KIAA1217: variants seen among roughly 807,000 people sequenced by gnomAD.
The protein encoded by KIAA1217 is KIAA1217.
In KIAA1217, 88 loss-of-function variants were observed where a neutral mutation model predicts 163.9. That is an observed-to-expected ratio of 0.54 (90% CI 0.45 to 0.64). The LOEUF is 0.64. Among genes scored for constraint, KIAA1217 ranks in the 30% least tolerant of loss-of-function variants. KIAA1217 has a pLI of 0.00. For synonymous variants in KIAA1217, 903 were observed against 923.1 expected (o/e 0.98, Z 0.39); for missense variants, 2,372 against 2,475.0 (o/e 0.96, Z 0.88).
intron 2 of KIAA1217, among the ~76,000 whole-genome samples, chr10:24,373,883 C>T (rs2052066400): frequency 6.6e-6 from 1 of 152,198 alleles, no homozygotes; most frequent in Admixed American, 6.5e-5. Context: ...ATGGGTATCA[C>T]TGCCCTTTCA....
intron 1 of KIAA1217, among the ~76,000 whole-genome samples, chr10:23,716,742 T>C (rs1415541173): frequency 1.3e-5 from 2 of 152,202 alleles, no homozygotes; most frequent in African/African-American, 2.4e-5. Flanking sequence ...TATTCAAATA[T>C]ATTTATATGC....
At chr10:24,129,083 A>T (rs1055414723) in intron 2 of KIAA1217, among the ~76,000 whole-genome samples, 4 of 152,186 alleles carry the variant, frequency 2.6e-5, no homozygotes, top group African/African-American at 9.7e-5. Context: ...TAAATGCTGG[A>T]AGTGGGCCAT....
chr10:24,389,545 T>A (rs1383823021), intron 3 of KIAA1217, among the ~76,000 whole-genome samples: 11 of 142,210 alleles, frequency 7.7e-5, no homozygotes, highest in Admixed American at 6.2e-4. Context: ...GAACTTAAAG[T>A]ATAATAAAAA....
At chr10:24,333,355 G>A (rs1021739438) in intron 2 of KIAA1217, among the ~76,000 whole-genome samples, 3 of 152,164 alleles carry the variant, frequency 2.0e-5, no homozygotes, top group African/African-American at 7.2e-5. Context: ...TTATGATGAT[G>A]AATGGTTGCC....
intron 1 of KIAA1217, among the ~76,000 whole-genome samples, chr10:23,994,096 G>T (rs1271923196): frequency 6.6e-6 from 1 of 152,198 alleles, no homozygotes; most frequent in Non-Finnish European, 1.5e-5. Context: ...GAGGGAAAGA[G>T]GAGAATGTGA....
At chr10:24,352,284 C>T (rs1271862061) in intron 2 of KIAA1217, among the ~76,000 whole-genome samples, 1 of 152,190 alleles carries the variant, frequency 6.6e-6, no homozygotes, top group Non-Finnish European at 1.5e-5. Context: ...CTGAGTAATC[C>T]TTTAAAGAGT....
intron 2 of KIAA1217, among the ~76,000 whole-genome samples, chr10:24,021,925 T>C (rs1157166779): frequency 6.6e-6 from 1 of 151,758 alleles, no homozygotes; most frequent in Non-Finnish European, 1.5e-5. Context: ...TCTGACACCT[T>C]TCACAAAATT....
At chr10:24,542,407 G>C (rs1160091718) in intron 17 of KIAA1217, 1 of 697,426 alleles carries the variant, frequency 1.4e-6, no homozygotes, top group South Asian at 2.7e-5. Context: ...GGACATGTTA[G>C]TAATGACTCT....
intron 1 of KIAA1217, among the ~76,000 whole-genome samples, chr10:23,978,253 T>G (rs969459093): frequency 6.6e-6 from 1 of 152,212 alleles, no homozygotes; most frequent in Non-Finnish European, 1.5e-5. Flanking sequence ...TCTGTCTTTA[T>G]GCTGGAAGAG....
intron 1 of KIAA1217, among the ~76,000 whole-genome samples, chr10:23,843,692 T>A (rs888648285): frequency 1.3e-5 from 2 of 152,162 alleles, no homozygotes; most frequent in African/African-American, 4.8e-5. Flanking sequence ...AAGATCTTTG[T>A]TGACTATGTT....
chr10:24,343,070 G>A (rs2133864467), intron 2 of KIAA1217, among the ~76,000 whole-genome samples: 1 of 152,242 alleles, frequency 6.6e-6, no homozygotes, highest in Middle Eastern at 3.4e-3. Flanking sequence ...TTCTCTAACT[G>A]CAACTCCTGC....
At chr10:23,773,464 A>G (rs111487244) in intron 1 of KIAA1217, among the ~76,000 whole-genome samples, 1,597 of 151,630 alleles carry the variant, frequency 0.011, 13 homozygotes, top group Non-Finnish European at 0.018. Context: ...TTGGTTCCAT[A>G]TGAACTTTAA....
intron 1 of KIAA1217, among the ~76,000 whole-genome samples, chr10:23,959,597 A>G (rs1844730390): frequency 6.6e-6 from 1 of 152,232 alleles, no homozygotes; most frequent in African/African-American, 2.4e-5. Context: ...TAAATTTTAC[A>G]TGACATAGGA....
At chr10:23,909,678 T>C (rs962195147) in intron 1 of KIAA1217, among the ~76,000 whole-genome samples, 1 of 152,182 alleles carries the variant, frequency 6.6e-6, no homozygotes, top group Non-Finnish European at 1.5e-5. Context: ...CACATTTTCT[T>C]TATCCAGTCT....
At chr10:24,429,659 C>T (rs570508142) in intron 3 of KIAA1217, among the ~76,000 whole-genome samples, 82 of 152,240 alleles carry the variant, frequency 5.4e-4, no homozygotes, top group Non-Finnish European at 1.0e-3. Context: ...TTGTTCTCTT[C>T]CGAGTTTCTT....
chr10:24,112,154 C>G (rs1378743516), intron 2 of KIAA1217, among the ~76,000 whole-genome samples: 1 of 152,146 alleles, frequency 6.6e-6, no homozygotes, highest in Non-Finnish European at 1.5e-5. Context: ...TTAAGATTTT[C>G]TGCCAACAAA....
intron 1 of KIAA1217, among the ~76,000 whole-genome samples, chr10:23,912,931 G>A (rs1339530837): frequency 6.6e-6 from 1 of 152,160 alleles, no homozygotes; most frequent in Non-Finnish European, 1.5e-5. Context: ...TAAAAGCAGT[G>A]CCACAGTCTA....
chr10:24,501,522 C>T lies in KIAA1217; in HGVS notation c.1978C>T (p.Leu660Phe), dbSNP rs1281656521. Residue 660 changes from leucine (L) to phenylalanine (F), a missense_variant, in exon 9 of 21, where the codon CTC (leucine) becomes TTC (phenylalanine). Around this residue, in one of 3 missense-constraint regions of KIAA1217, gnomAD observed 1,431 missense variants for 1,470.3 expected, o/e 0.97. Transcript: ENST00000376454. ...GAGCGTGGCGGAACTCAGGCTCCAG[C>T]TCCAGCAGATGCGGCAGCTCCAGGT... ...RRSVAELRLQ[L>F]QQMRQLQLQN... 6.2e-7 allele frequency: 1 copy of T among 1,613,430 alleles called. No homozygotes were observed. Among genetic ancestry groups the T allele is most frequent in the Non-Finnish European group, 8.5e-7 (1 of 1,179,834 alleles).
intron 6 of KIAA1217, among the ~76,000 whole-genome samples, chr10:24,484,667 C>T (rs2065164091): frequency 6.6e-6 from 1 of 152,000 alleles, no homozygotes; most frequent in Admixed American, 6.6e-5. Flanking sequence ...TTAAGCAAGC[C>T]TCCCCCACCT....
Sources: allele counts gnomAD v4.1 joint callset (sites outside exome capture counted in the v4.1 genomes callset), GRCh38; gene constraint gnomAD v4.1.1; regional missense constraint gnomAD v4.1.1; transcripts MANE v1.5; gene names NCBI Gene and HGNC (gene_info 2026-07-23, HGNC 2026-07-21).